CEMIP2: variants seen among roughly 807,000 people sequenced by gnomAD.
CEMIP2 encodes cell surface hyaluronidase CEMIP2.
A neutral mutation model predicts 146.9 loss-of-function variants in CEMIP2; 79 were observed. That is an observed-to-expected ratio of 0.54 (90% CI 0.45 to 0.65). CEMIP2 has a LOEUF of 0.65. Ranked by LOEUF, CEMIP2 falls within the 30% of genes least tolerant of loss-of-function variation. The pLI, the probability that CEMIP2 is intolerant of heterozygous loss-of-function variation, is 0.00. For missense variants in CEMIP2, 1,596 were observed against 1,696.2 expected (o/e 0.94, Z 1.04); for synonymous variants, 601 against 606.3 (o/e 0.99, Z 0.13).
chr9:71,701,983 C>T lies in CEMIP2; in HGVS notation c.3195-1159G>A, dbSNP rs151276381. On this transcript the variant is annotated intron_variant, in intron 18 of 23. Transcript: ENST00000377044. ...CCTTAAAATTCTTCACATAGCCAGG[C>T]GGAGTGGCTCATGCCTATAATCCTA... Among the ~76,000 whole-genome samples, 205 of 152,142 alleles carry T rather than the reference C, an allele frequency of 1.3e-3. 2 individuals carry two copies. The East Asian group carries it at 0.029, about 21-fold the overall frequency.
chr9:71,709,669 G>A (rs1305508863), intron 16 of CEMIP2, among the ~76,000 whole-genome samples, 195 bp from the exon 17 acceptor site: 1 of 152,150 alleles, frequency 6.6e-6, no homozygotes, highest in African/African-American at 2.4e-5. Flanking sequence ...GCTGGGGTTG[G>A]GGGGAATTTC....
At chr9:71,763,073 AAG>A (rs1415542741) in intron 1 of CEMIP2, among the ~76,000 whole-genome samples, 2 of 152,176 alleles carry the variant, frequency 1.3e-5, no homozygotes, top group East Asian at 3.9e-4. Flanking sequence ...AAAAAAAAAA[AAG>A]AAAACCTCAA....
At chr9:71,692,417 C>G (rs1414122240) in intron 21 of CEMIP2, among the ~76,000 whole-genome samples, 3 of 143,238 alleles carry the variant, frequency 2.1e-5, no homozygotes, top group Non-Finnish European at 3.0e-5. Context: ...ACTACTAGAA[C>G]AGTGAGACTC....
At chr9:71,728,281 G>GTATATATA (rs1228923367) in intron 10 of CEMIP2, among the ~76,000 whole-genome samples, 1 of 9,246 alleles carries the variant, frequency 1.1e-4, no homozygotes, top group Non-Finnish European at 1.8e-4. Context: ...ATATATATAT[G>GTATATATA]TATATATATA....
intron 2 of CEMIP2, among the ~76,000 whole-genome samples, chr9:71,747,154 T>G (rs1434379367): frequency 1.3e-5 from 2 of 152,170 alleles, no homozygotes; most frequent in Non-Finnish European, 2.9e-5. Flanking sequence ...TCCGCCATAA[T>G]TTTGAAGAGG....
chr9:71,733,338 CT>C (rs1218468830), intron 6 of CEMIP2, among the ~76,000 whole-genome samples: 1 of 152,108 alleles, frequency 6.6e-6, no homozygotes, highest in African/African-American at 2.4e-5. Context: ...ACACATAAAT[CT>C]TGGGAGGACA....
In CEMIP2 at chr9:71,725,711, T is replaced by C. The variant is rs1485990871; in HGVS notation, c.2050-2A>G. The C allele has an allele frequency of 6.2e-7, 1 of 1,611,606 alleles. No homozygotes were observed. Among genetic ancestry groups the C allele is most frequent in the African/African-American group, 1.3e-5 (1 of 74,878 alleles). The stretch of plus-strand genomic sequence containing the variant: ...GAATAAATACCATATTCCAGCATCC[T>C]ACAAATGAAAGGACAAGCCCATTAA... On this transcript the variant is annotated splice_acceptor_variant, in intron 10 of 23. Transcript: ENST00000377044. LOFTEE classifies it high-confidence loss of function.
At chr9:71,756,506 T>TCTCTCTCTCACA (rs1010879160) in intron 1 of CEMIP2, among the ~76,000 whole-genome samples, 4 of 112,496 alleles carry the variant, frequency 3.6e-5, no homozygotes, top group African/African-American at 1.4e-4. Context: ...TCTCTCTCTC[T>TCTCTCTCTCACA]CACACACACA....
rs1822050714 is a variant in CEMIP2, at chr9:71,686,050, G to A, written c.3852-204C>T. 30 of 561,342 alleles carry A rather than the reference G, an allele frequency of 5.3e-5. No individual in the cohort carries two copies. In the South Asian group the frequency reaches 6.4e-4, roughly 12 times the overall value. 34.8% of individuals were successfully genotyped at this position (561,342 alleles called of 1,614,324 possible). On this transcript the variant is annotated intron_variant, in intron 22 of 23. Coordinates refer to ENST00000377044, the MANE Select transcript of CEMIP2 (RefSeq NM_013390.3). Reference sequence around the variant, plus strand: ...GGGCTTCACACGTTGCTCTTACAAGGGGTAACGCATACATAAACCAAATCA... The same window carrying A: ...GGGCTTCACACGTTGCTCTTACAAGAGGTAACGCATACATAAACCAAATCA...
intron 1 of CEMIP2, among the ~76,000 whole-genome samples, chr9:71,753,032 C>A (rs916369522): frequency 8.7e-4 from 1 of 1,156 alleles, no homozygotes; most frequent in Non-Finnish European, 1.7e-3. Context: ...ATGTGCCAAG[C>A]AGCAGACAAA....
chr9:71,741,411 G>A (rs981909868), intron 4 of CEMIP2, among the ~76,000 whole-genome samples: 1 of 151,384 alleles, frequency 6.6e-6, no homozygotes, highest in Non-Finnish European at 1.5e-5. Flanking sequence ...TGGTCAGGCT[G>A]GTCTTAAACT....
At chr9:71,725,825 T>A in intron 10 of CEMIP2, 116 bp from the exon 11 acceptor site, 1 of 1,139,866 alleles carries the variant, frequency 8.8e-7, no homozygotes, top group East Asian at 2.6e-5. Flanking sequence ...AAATTTTTCA[T>A]TATTGCAGGT....
intron 16 of CEMIP2, among the ~76,000 whole-genome samples, chr9:71,711,601 A>G (rs1441337118): frequency 2.0e-5 from 3 of 151,930 alleles, no homozygotes; most frequent in Non-Finnish European, 4.4e-5. Flanking sequence ...AAAGAAAAAA[A>G]AAAAGAAAAG....
chr9:71,759,755 C>G (rs2132040151), intron 1 of CEMIP2, among the ~76,000 whole-genome samples: 1 of 148,318 alleles, frequency 6.7e-6, no homozygotes, highest in African/African-American at 2.5e-5. Flanking sequence ...TTTGGTCCTT[C>G]CTGCAACGGA....
chr9:71,744,733 T>G (rs1824023536), intron 4 of CEMIP2, among the ~76,000 whole-genome samples: 1 of 152,136 alleles, frequency 6.6e-6, no homozygotes, highest in African/African-American at 2.4e-5. Flanking sequence ...AAATTGTCCT[T>G]AAACTGCCTG....
At chr9:71,713,313 C>A (rs1409863163) in intron 15 of CEMIP2, among the ~76,000 whole-genome samples, 1 of 152,100 alleles carries the variant, frequency 6.6e-6, no homozygotes, top group Non-Finnish European at 1.5e-5. Context: ...AAAGAGAGCA[C>A]AAGCTCTCTT....
At chr9:71,717,771 AC>A (rs1178254120) in intron 13 of CEMIP2, among the ~76,000 whole-genome samples, 176 bp downstream of exon 13, 1 of 152,186 alleles carries the variant, frequency 6.6e-6, no homozygotes, top group Non-Finnish European at 1.5e-5. Context: ...GAATGAGACA[AC>A]TTCAAACATT....
rs775268163 is a variant in CEMIP2 at position 71,694,514 on chromosome 9, T to C, written c.3691A>G (p.Ile1231Val). The stretch of plus-strand genomic sequence containing the variant: ...CAACACCAGATGGTACTTACAGAAA[T>C]AACAGACGGGTCTCCACGCTGGGTT... ...AETQRGDPSV[I>V]SVNGTDFTFR... The change falls in exon 21 of 24, where the codon ATT (isoleucine) becomes GTT (valine). Residue 1231 changes from isoleucine to valine, a missense_variant. Physicochemically the swap from Ile to Val is conservative, Grantham distance 29. Transcript: ENST00000377044. 1.1e-5 allele frequency: 17 copies of C among 1,612,688 alleles called. No homozygotes were observed. The highest frequency in any genetic ancestry group is 1.3e-5 in the African/African-American group (1 of 74,876).
intron 5 of CEMIP2, among the ~76,000 whole-genome samples, chr9:71,737,186 G>GAAAGAAAGAAAGAAAGAAAGAAAGAAAGA (rs1554686482): frequency 7.6e-6 from 1 of 132,050 alleles, no homozygotes; most frequent in Non-Finnish European, 1.7e-5. Flanking sequence ...AAGAAAGAAA[G>GAAAGAAAGAAAGAAAGAAAGAAAGAAAGA]AAAAGTCTGT....
Sources: allele counts gnomAD v4.1 joint callset (sites outside exome capture counted in the v4.1 genomes callset), GRCh38; gene constraint gnomAD v4.1.1; transcripts MANE v1.5; gene names NCBI Gene and HGNC (gene_info 2026-07-23, HGNC 2026-07-21).